Variants in TTN observed in about 807,000 individuals in gnomAD.
TTN encodes connectin.
A neutral mutation model predicts 3,223.0 loss-of-function variants in TTN; 1,525 were observed. The ratio of observed to expected loss-of-function variants is 0.47; its 90% CI spans 0.45 to 0.49. TTN has a LOEUF of 0.49. Ranked by LOEUF, TTN falls within the 20% of genes least tolerant of loss-of-function variation. TTN has a pLI of 0.00. For missense variants in TTN, 40,786 were observed against 43,424.0 expected, an observed-to-expected ratio of 0.94 and a Z score of 5.40; for synonymous variants, 14,094 against 15,161.0, an observed-to-expected ratio of 0.93 and a Z score of 5.17.
chr2:178,716,953 G>T, intron 88 of TTN, 142 bp downstream of exon 88: 4 of 809,146 alleles, frequency 4.9e-6, no homozygotes, highest in Non-Finnish European at 6.8e-6. Flanking sequence ...GTCTCCATTT[G>T]GAAGGTCCTT....
rs748984928 is a variant in TTN at position 178,545,894 on chromosome 2, C to G, written c.95342G>C (p.Arg31781Pro). The G allele has an allele frequency of 6.2e-7, 1 of 1,613,738 alleles. No individual in the cohort carries two copies. Among genetic ancestry groups the G allele is most frequent in the African/African-American group, 1.3e-5 (1 of 74,908 alleles). ...GCCATATTTGTTTACTGCCCTCACT[C>G]GGAATATGTACTCATTGTTCTTGAT... is the stretch of plus-strand genomic sequence containing the variant. ...RLIKNNEYIFRVRAVNKYGPG... is the reference protein window; with the variant it reads ...RLIKNNEYIFPVRAVNKYGPG... Residue 31781 changes from arginine (R) to proline (P), a missense_variant, in exon 343 of 363, where the codon CGA becomes CCA. Physicochemically the swap from Arg to Pro is moderately radical, Grantham distance 103. Coordinates refer to ENST00000589042, the MANE Select transcript of TTN (RefSeq NM_001267550.2).
At position 178,622,690 on chromosome 2, in the gene TTN, G is replaced by C; in HGVS notation, c.44893C>G (p.Leu14965Val). The change falls in exon 243 of 363, where the codon CTT (leucine) becomes GTT (valine). Residue 14965 changes from leucine to valine, a missense_variant. Coordinates refer to ENST00000589042, the MANE Select transcript of TTN (RefSeq NM_001267550.2). ...EKEMARFECE[L>V]SRENAKVKWF... ...CAGACCTTAGCATTTTCTCGGGAAA[G>C]TTCACACTCAAATCGAGCCATTTCT... 1 of 1,606,684 alleles carries C rather than the reference G, an allele frequency of 6.2e-7. No individual in the cohort carries two copies. Among genetic ancestry groups the C allele is most frequent in the Non-Finnish European group, 8.5e-7 (1 of 1,176,500 alleles).
rs775368829 is a variant in TTN, at chr2:178,611,858, G to A, written c.50451C>T (p.Ile16817=). 5.0e-6 allele frequency: 8 copies of A among 1,612,720 alleles called. No individual in the cohort carries two copies. The highest frequency in any genetic ancestry group is 3.3e-5 in the South Asian group (3 of 91,028). The change falls in exon 268 of 363, where the codon ATC becomes ATT. Residue 16817 remains isoleucine, a synonymous_variant. Coordinates refer to ENST00000589042, the MANE Select transcript of TTN (RefSeq NM_001267550.2). ...PDCNFRVTDV[I]EGTEVQFQVR... Reference sequence around the variant, plus strand: ...CCTGAAACTGGACCTCTGTTCCTTCGATGACATCAGTTACTCTGAAGTTAC... The same window carrying A: ...CCTGAAACTGGACCTCTGTTCCTTCAATGACATCAGTTACTCTGAAGTTAC...
intron 20 of TTN, 33 bp downstream of exon 20, chr2:178,782,179 C>A: frequency 1.2e-6 from 2 of 1,612,442 alleles, no homozygotes; most frequent in South Asian, 2.2e-5. Context: ...TTATACAAGT[C>A]ACAGAGAACT....
Position 178,552,297 on chromosome 2 carries a change from T to G in TTN, c.90603A>C (p.Lys30201Asn), listed in dbSNP as rs931505367. 2 of 1,612,964 alleles carry G rather than the reference T, an allele frequency of 1.2e-6. No homozygotes were observed. The highest frequency in any genetic ancestry group is 2.7e-5 in the African/African-American group (2 of 74,888). The change falls in exon 335 of 363, where the codon AAA becomes AAC. Residue 30201 changes from lysine to asparagine, a missense_variant. Coordinates refer to ENST00000589042, the MANE Select transcript of TTN (RefSeq NM_001267550.2). ...CTGCATTATCAAGAATAACAGTGTATTTTCCTCCATGCTCCTTCTTGGCAT... is the reference window on the plus strand; with the variant it reads ...CTGCATTATCAAGAATAACAGTGTAGTTTCCTCCATGCTCCTTCTTGGCAT... ...IKNAKKEHGG[K>N]YTVILDNAVC...
rs763684680 is a variant in TTN at position 178,535,714 on chromosome 2, T to A, written c.100901A>T (p.Asp33634Val). The A allele has an allele frequency of 6.2e-7, 1 of 1,613,790 alleles. No homozygotes were observed. Among genetic ancestry groups the A allele is most frequent in the Admixed American group, 1.7e-5 (1 of 60,004 alleles). The change falls in exon 358 of 363, where the codon GAT becomes GTT. Residue 33634 changes from aspartate to valine, a missense_variant. Coordinates refer to ENST00000589042, the MANE Select transcript of TTN (RefSeq NM_001267550.2). ...DPVITWQKGQ[D>V]LIDNNGHYQV... ...GTAGTGGCCATTATTGTCAATGAGATCTTGTCCTTTCTGCCAGGTGATCAC... is the reference window on the plus strand; with the variant it reads ...GTAGTGGCCATTATTGTCAATGAGAACTTGTCCTTTCTGCCAGGTGATCAC...
chr2:178,688,883 A>C, intron 125 of TTN, 105 bp from the exon 126 acceptor site: 8 of 1,130,998 alleles, frequency 7.1e-6, no homozygotes, highest in Non-Finnish European at 1.0e-5. Flanking sequence ...TGACTAGCAA[A>C]ATGGGAAAAC....
Position 178,563,595 on chromosome 2 carries a change from C to T in TTN, c.82537G>A (p.Gly27513Ser). The change falls in exon 326 of 363, where the codon GGC becomes AGC. Residue 27513 changes from glycine (G) to serine (S), a missense_variant. Transcript: ENST00000589042. The surrounding 1 kb of genome is among the most constrained non-coding windows in gnomAD (Gnocchi z 4.5). ...GYILEKRDKE[G>S]VRWTKCNKKT... ...TTGTTGCACTTGGTCCATCTAACGC[C>T]TTCCTTATCTCGTTTTTCAAGAATG... The T allele has an allele frequency of 6.2e-7, 1 of 1,613,760 alleles. No individual in the cohort carries two copies. Among genetic ancestry groups the T allele is most frequent in the South Asian group, 1.1e-5 (1 of 91,084 alleles).
At position 178,739,799 on chromosome 2, in the gene TTN, A is replaced by ACAC. The variant is rs776101049; in HGVS notation, c.13431_13433dup (p.Leu4477_Cys4478insTrp). The ACAC allele has an allele frequency of 9.9e-6, 16 of 1,613,870 alleles. No individual in the cohort carries two copies. Among genetic ancestry groups the ACAC allele is most frequent in the Non-Finnish European group, 1.2e-5 (14 of 1,179,824 alleles). ...TGTCTATTTCCTCATATATAATAGC[A>ACAC]CACAAAGCATCCCTAAGTTCCATTT... On this transcript the variant is annotated inframe_insertion, in exon 48 of 363. Coordinates refer to ENST00000589042, the MANE Select transcript of TTN (RefSeq NM_001267550.2).
chr2:178,544,778 A>G (rs959838189), intron 344 of TTN, among the ~76,000 whole-genome samples: 1 of 152,160 alleles, frequency 6.6e-6, no homozygotes, highest in African/African-American at 2.4e-5. Flanking sequence ...TCTATTAGCT[A>G]AGCTCATTAC....
At chr2:178,665,523 A>G in intron 164 of TTN, 63 bp from the exon 165 acceptor site, 3 of 1,543,008 alleles carry the variant, frequency 1.9e-6, no homozygotes, top group Admixed American at 3.4e-5. Flanking sequence ...TAATTAAATG[A>G]GCTGAACCAA....
chr2:178,637,561 G>A (rs956121019), intron 223 of TTN, 142 bp from the exon 224 acceptor site: 6 of 408,224 alleles, frequency 1.5e-5, no homozygotes, highest in Non-Finnish European at 2.5e-5. Flanking sequence ...GACTTCTATG[G>A]ATAATCACAT....
rs978818932 is a variant in TTN, at chr2:178,543,581, A to G, written c.96392T>C (p.Ile32131Thr). 2.5e-6 allele frequency: 4 copies of G among 1,608,444 alleles called. No homozygotes were observed. Among genetic ancestry groups the G allele is most frequent in the African/African-American group, 1.3e-5 (1 of 75,034 alleles). The change falls in exon 347 of 363, where the codon ATT becomes ACT. Residue 32131 changes from isoleucine (I) to threonine (T), a missense_variant. By Grantham distance (89) the Ile-to-Thr change is moderately conservative. Transcript: ENST00000589042. ...SVTITWEIPT[I>T]DGGAPVNNYI... Reference sequence around the variant, plus strand: ...ATTGTTGACTGGAGCTCCACCATCAATCGTGGGAATTTCCCAAGTTATAGT... The same window carrying G: ...ATTGTTGACTGGAGCTCCACCATCAGTCGTGGGAATTTCCCAAGTTATAGT...
chr2:178,745,482 T>C, intron 47 of TTN: 1 of 1,536,500 alleles, frequency 6.5e-7, no homozygotes, highest in Admixed American at 2.0e-5. Context: ...TGAATTCAAA[T>C]ATGGTGGACC....
rs201396224 is a variant in TTN, at chr2:178,756,400, G to A, written c.11076C>T (p.Thr3692=). 1.0e-4 allele frequency: 166 copies of A among 1,613,660 alleles called. 1 individual carries two copies. Among genetic ancestry groups the A allele is most frequent in the Non-Finnish European group, 1.3e-4 (152 of 1,179,814 alleles). The change falls in exon 46 of 363, where the codon ACC becomes ACT. Residue 3692 remains threonine, a synonymous_variant. Transcript: ENST00000589042. ...CTATCTTTGCACCTTCGTGAGTCCAGGTTACATCAATGAAAGAATCATCTT... is the reference window on the plus strand; with the variant it reads ...CTATCTTTGCACCTTCGTGAGTCCAAGTTACATCAATGAAAGAATCATCTT... ...VLKDDSFIDV[T]WTHEGAKIEE...
chr2:178,608,330 C>G lies in TTN; in HGVS notation c.52553G>C (p.Arg17518Pro), dbSNP rs559590585. The change falls in exon 275 of 363, where the codon CGT becomes CCT. Residue 17518 changes from arginine (R) to proline (P), a missense_variant. Transcript: ENST00000589042. ...GGCATTCAGAAGGCTTTTGTTGACA[C>G]GAGACCAATGTGTACTGTTAACTTC... The part of the protein sequence containing the change: ...KREVNSTHWS[R>P]VNKSLLNALK... 1 of 1,612,324 alleles carries G rather than the reference C, an allele frequency of 6.2e-7. No homozygotes were observed. The highest frequency in any genetic ancestry group is 8.5e-7 in the Non-Finnish European group (1 of 1,179,118).
In TTN at chr2:178,565,715, T is replaced by C. The variant is rs181766682; in HGVS notation, c.80417A>G (p.His26806Arg). Reference protein sequence around the residue: ...SASLMWEKPEHDGGSRVLGYV... With the variant: ...SASLMWEKPERDGGSRVLGYV... ...CCCCAGGACTCTGCTACCGCCATCA[T>C]GTTCAGGTTTCTCCCACATAAGTGA... is the stretch of plus-strand genomic sequence containing the variant. The change falls in exon 326 of 363, where the codon CAT becomes CGT. Residue 26806 changes from histidine (H) to arginine (R), a missense_variant. Physicochemically the swap from His to Arg is conservative, Grantham distance 29. Coordinates refer to ENST00000589042, the MANE Select transcript of TTN (RefSeq NM_001267550.2). 3.8e-5 allele frequency: 61 copies of C among 1,613,640 alleles called. 1 individual carries two copies. In the African/African-American group the frequency reaches 7.5e-4, roughly 20 times the overall value.
chr2:178,749,127 C>T (rs1394809340), intron 47 of TTN: 2 of 1,612,636 alleles, frequency 1.2e-6, no homozygotes, highest in Non-Finnish European at 1.7e-6. Flanking sequence ...GAAATTCTCT[C>T]AGAGTGAATA....
chr2:178,643,708 T>C (rs1375415256), intron 218 of TTN, among the ~76,000 whole-genome samples: 2 of 151,768 alleles, frequency 1.3e-5, no homozygotes, highest in Non-Finnish European at 2.9e-5. Flanking sequence ...TTAATGTTTA[T>C]GATCAATATC....
Sources: gnomAD v4.1 joint callset for allele counts (sites outside exome capture counted in the v4.1 genomes callset) on GRCh38, gnomAD v4.1.1 for gene constraint, Gnocchi (gnomAD v3.1) non-coding constraint, MANE v1.5 for transcripts, NCBI Gene and HGNC (gene_info 2026-07-23, HGNC 2026-07-21) for gene names.